Variants in SP100 observed in about 807,000 individuals in gnomAD.
SP100 encodes nuclear autoantigen Sp-100.
SP100 carries 84 observed loss-of-function variants against 130.0 expected under a neutral mutation model. The ratio of observed to expected loss-of-function variants is 0.65; its 90% CI spans 0.54 to 0.77. SP100 has a LOEUF of 0.77. SP100 is among the 30% of genes least tolerant of loss of function. The probability of loss-of-function intolerance (pLI) is 0.00; values close to 1 mark genes in which losing one functional copy is unlikely to be tolerated. For missense variants in SP100, 978 were observed against 1,052.2 expected (o/e 0.93, Z 0.97); for synonymous variants, 331 against 351.7 (o/e 0.94, Z 0.66).
At chr2:230,444,629 C>G (rs1268934909) in intron 4 of SP100, among the ~76,000 whole-genome samples, 1 of 152,216 alleles carries the variant, frequency 6.6e-6, no homozygotes, top group Non-Finnish European at 1.5e-5. Context: ...AGAATCCCAA[C>G]AGGGCAGCTT....
chr2:230,527,134 G>A (rs867805977), intron 24 of SP100, among the ~76,000 whole-genome samples: 5 of 152,076 alleles, frequency 3.3e-5, no homozygotes, highest in Admixed American at 2.0e-4. Context: ...CAGATTCACC[G>A]AGGTTGAAAT....
chr2:230,478,745 G>A (rs932943403), intron 17 of SP100, among the ~76,000 whole-genome samples: 2 of 152,084 alleles, frequency 1.3e-5, no homozygotes, highest in African/African-American at 4.8e-5. Context: ...GTAAGCCCGT[G>A]GAGCTCAATG....
intron 2 of SP100, among the ~76,000 whole-genome samples, chr2:230,427,062 G>A (rs1444661702): frequency 6.6e-6 from 1 of 151,942 alleles, no homozygotes; most frequent in Non-Finnish European, 1.5e-5. Flanking sequence ...TATAAATATA[G>A]TCACCTCTGC....
intron 2 of SP100, 39 bp downstream of exon 2, chr2:230,417,704 T>A: frequency 6.3e-7 from 1 of 1,592,240 alleles, no homozygotes; most frequent in Non-Finnish European, 8.5e-7. Context: ...TAATTTGTAT[T>A]TTCCTTACGA....
At chr2:230,499,467 A>ACTCACTCACTCT (rs1553642367) in intron 19 of SP100, among the ~76,000 whole-genome samples, 10 of 29,566 alleles carry the variant, frequency 3.4e-4, no homozygotes, top group African/African-American at 2.0e-3. Flanking sequence ...CTTCATATAG[A>ACTCACTCACTCT]CTCTCTCTCT....
At chr2:230,443,974 A>G (rs1003570760) in intron 3 of SP100, among the ~76,000 whole-genome samples, 2 of 152,210 alleles carry the variant, frequency 1.3e-5, no homozygotes, top group African/African-American at 4.8e-5. Context: ...GGGTGAAGCA[A>G]TCAGGCTCAT....
At chr2:230,515,343 T>C (rs2150089575) in intron 24 of SP100, 1 of 1,613,918 alleles carries the variant, frequency 6.2e-7, no homozygotes, top group Non-Finnish European at 8.5e-7. Context: ...TGTTCTGCTC[T>C]GAGTATCGCC....
At chr2:230,437,961 A>G (rs1260962446) in intron 2 of SP100, among the ~76,000 whole-genome samples, 6 of 152,344 alleles carry the variant, frequency 3.9e-5, no homozygotes, top group African/African-American at 1.4e-4. Context: ...ATCAAAAAAC[A>G]GGGGTGAATT....
At chr2:230,496,410 A>T (rs1357816932) in intron 18 of SP100, among the ~76,000 whole-genome samples, 1 of 152,114 alleles carries the variant, frequency 6.6e-6, no homozygotes, top group Non-Finnish European at 1.5e-5. Flanking sequence ...ATTTACTTTC[A>T]TCCACACTTC....
chr2:230,478,989 T>C (rs1381290417), intron 17 of SP100, among the ~76,000 whole-genome samples: 1 of 152,102 alleles, frequency 6.6e-6, no homozygotes, highest in Admixed American at 6.5e-5. Context: ...CCTGGCTAAT[T>C]TTTGTATTTT....
intron 8 of SP100, 100 bp downstream of exon 8, chr2:230,450,355 C>T: frequency 2.6e-6 from 2 of 772,000 alleles, no homozygotes; most frequent in Admixed American, 2.4e-5. Flanking sequence ...ATCGTAACCA[C>T]TTTTTAAAAT....
intron 24 of SP100, among the ~76,000 whole-genome samples, chr2:230,526,437 T>C (rs1691428825): frequency 6.6e-6 from 1 of 152,010 alleles, no homozygotes; most frequent in Admixed American, 6.6e-5. Flanking sequence ...CAAAGGTAGG[T>C]AAAACCACAA....
chr2:230,459,126 A>G (rs1468646522), intron 8 of SP100, among the ~76,000 whole-genome samples: 1 of 152,158 alleles, frequency 6.6e-6, no homozygotes, highest in Non-Finnish European at 1.5e-5. Context: ...AGATAAAAAG[A>G]CTATGAATAG....
chr2:230,532,217 G>GA (rs1276583155), intron 24 of SP100, among the ~76,000 whole-genome samples: 3 of 145,772 alleles, frequency 2.1e-5, no homozygotes, highest in African/African-American at 4.9e-5. Context: ...ACGGTTCCTA[G>GA]AAAAAAATAA....
rs185247045 is a variant in SP100, at chr2:230,436,495, G to A, written c.108-6442G>A. ...ATCTGATGGTATAAGGGCCTCTTCCGCCTTCACCTGGCACTTCTCCTTCCT... is the reference window on the plus strand; with the variant it reads ...ATCTGATGGTATAAGGGCCTCTTCCACCTTCACCTGGCACTTCTCCTTCCT... On this transcript the variant is annotated intron_variant, in intron 2 of 28. Coordinates refer to ENST00000340126, the MANE Select transcript of SP100 (RefSeq NM_001080391.2). 5.3e-3 allele frequency among the ~76,000 whole-genome samples: 809 copies of A among 152,088 alleles called. 3 individuals are homozygous for A. The highest frequency in any genetic ancestry group is 0.01 in the Middle Eastern group (3 of 294).
At position 230,464,074 on chromosome 2, in the gene SP100, T is replaced by C. The variant is rs1271197375; in HGVS notation, c.1065T>C (p.Asn355=). The change falls in exon 11 of 29, where the codon AAT becomes AAC. Residue 355 remains asparagine, a synonymous_variant. Coordinates refer to ENST00000340126, the MANE Select transcript of SP100 (RefSeq NM_001080391.2). ...ISAPRSEPVI[N]NDNPLESNDE... is the part of the protein sequence containing the mutation. ...TCCCATTCTTTTGTGCAGTGATCAA[T>C]AATGACAACCCTTTAGAATCAAATG... The C allele has an allele frequency of 5.6e-6, 9 of 1,610,744 alleles. No homozygotes were observed. Among genetic ancestry groups the C allele is most frequent in the Non-Finnish European group, 7.6e-6 (9 of 1,177,126 alleles).
chr2:230,533,070 C>T (rs536715783), intron 24 of SP100, among the ~76,000 whole-genome samples: 29 of 152,312 alleles, frequency 1.9e-4, no homozygotes, highest in African/African-American at 6.3e-4. Flanking sequence ...CATAAGCCAC[C>T]GTGCCCGGCC....
At chr2:230,433,616 A>G (rs2063161467) in intron 2 of SP100, among the ~76,000 whole-genome samples, 1 of 152,074 alleles carries the variant, frequency 6.6e-6, no homozygotes, top group African/African-American at 2.4e-5. Flanking sequence ...GAGTCTTTCA[A>G]TCCATGAACA....
At position 230,543,642 on chromosome 2, in the gene SP100, C is replaced by A. The variant is rs1213416835; in HGVS notation, c.*696C>A. Reference sequence around the variant, plus strand: ...CTACAATGAGAATTACGAAACACTGCTCAAAGAGATTGGAGATGACACAAA... The same window carrying A: ...CTACAATGAGAATTACGAAACACTGATCAAAGAGATTGGAGATGACACAAA... On this transcript the variant is annotated 3_prime_UTR_variant, in exon 29 of 29. Coordinates refer to ENST00000340126, the MANE Select transcript of SP100 (RefSeq NM_001080391.2). 1 of 152,112 alleles carries A rather than the reference C, an allele frequency of 6.6e-6. No homozygotes were observed. The highest frequency in any genetic ancestry group is 1.5e-5 in the Non-Finnish European group (1 of 68,014). The allele number at this position is 152,112 out of a possible 1,614,324, so 9.4% of individuals were successfully genotyped here.
Sources: allele counts gnomAD v4.1 joint callset (sites outside exome capture counted in the v4.1 genomes callset), GRCh38; gene constraint gnomAD v4.1.1; transcripts MANE v1.5; gene names NCBI Gene and HGNC (gene_info 2026-07-23, HGNC 2026-07-21).